The following TMEM178B variants were observed in gnomAD, a reference collection of about 807,000 sequenced individuals.
The protein encoded by TMEM178B is transmembrane protein 178B.
A neutral mutation model predicts 31.0 loss-of-function variants in TMEM178B; 5 were observed. That is an observed-to-expected ratio of 0.16 (90% CI 0.08 to 0.34). TMEM178B has a LOEUF of 0.34. Among genes scored for constraint, TMEM178B ranks in the 10% least tolerant of loss-of-function variants. TMEM178B has a pLI of 1.00. For missense variants in TMEM178B, 275 were observed against 400.3 expected (o/e 0.69, Z 2.67); for synonymous variants, 164 against 164.0 (o/e 1.00, Z 0.00).
intron 2 of TMEM178B, among the ~76,000 whole-genome samples, chr7:141,334,271 T>C (rs1799346664): frequency 6.6e-6 from 1 of 152,192 alleles, no homozygotes; most frequent in African/African-American, 2.4e-5. Flanking sequence ...AATTCATGAG[T>C]AGGTGTCCTT....
chr7:141,226,293 T>G (rs562415217), intron 2 of TMEM178B, among the ~76,000 whole-genome samples: 1 of 152,278 alleles, frequency 6.6e-6, no homozygotes, highest in African/African-American at 2.4e-5. Context: ...CAATGCTGAC[T>G]GACACCAGCC....
At chr7:141,398,184 T>C (rs1237506902) in intron 2 of TMEM178B, among the ~76,000 whole-genome samples, 2 of 152,194 alleles carry the variant, frequency 1.3e-5, no homozygotes, top group Admixed American at 6.5e-5. Flanking sequence ...AAGCAAACTT[T>C]AGGATATTTA....
chr7:141,389,626 C>T (rs913418324), intron 2 of TMEM178B, among the ~76,000 whole-genome samples: 8 of 152,170 alleles, frequency 5.3e-5, no homozygotes, highest in South Asian at 2.1e-4. Flanking sequence ...GCAGCTGTCA[C>T]GAGGCAGCAC....
intron 2 of TMEM178B, among the ~76,000 whole-genome samples, chr7:141,406,942 A>G (rs1563173707): frequency 6.7e-6 from 1 of 148,538 alleles, no homozygotes; most frequent in Non-Finnish European, 1.5e-5. Context: ...GGGAAGGGGA[A>G]AAAAGTATCT....
intron 2 of TMEM178B, among the ~76,000 whole-genome samples, chr7:141,224,249 T>C (rs1797303802): frequency 6.6e-6 from 1 of 152,210 alleles, no homozygotes; most frequent in Non-Finnish European, 1.5e-5. Flanking sequence ...CTTGGTTATG[T>C]TTCTATCAGC....
intron 2 of TMEM178B, among the ~76,000 whole-genome samples, chr7:141,288,791 T>C (rs997563599): frequency 6.6e-6 from 1 of 152,232 alleles, no homozygotes; most frequent in African/African-American, 2.4e-5. Context: ...TGTGTGCTGG[T>C]TGACTGCATT....
At chr7:141,454,646 G>C (rs1447661053) in intron 3 of TMEM178B, among the ~76,000 whole-genome samples, 2 of 138,070 alleles carry the variant, frequency 1.4e-5, no homozygotes, top group South Asian at 4.4e-4. Flanking sequence ...CCACCAATAT[G>C]AGTCAACACT....
chr7:141,215,601 C>T (rs1309588382), intron 2 of TMEM178B, among the ~76,000 whole-genome samples: 1 of 152,024 alleles, frequency 6.6e-6, no homozygotes, highest in Non-Finnish European at 1.5e-5. Flanking sequence ...GCTGGGATTA[C>T]AGGCATGAGC....
Position 141,480,348 on chromosome 7 carries a change from TTAAA to T in TMEM178B, c.*9567_*9570del, listed in dbSNP as rs765794884. On this transcript the variant is annotated 3_prime_UTR_variant, in exon 4 of 4. Transcript: ENST00000565468. ...TGTGGAATGTAAACTGATTAAACAA[TTAAA>T]TAAAGAAGATTATGTTGTGTGTTTT... The T allele has an allele frequency of 6.6e-6, 1 of 152,216 alleles. No homozygotes were observed. The highest frequency in any genetic ancestry group is 1.5e-5 in the Non-Finnish European group (1 of 68,036). The allele number at this position is 152,216 out of a possible 1,614,324, so 9.4% of individuals were successfully genotyped here. A position where few individuals can be genotyped will look rare whatever the true frequency, so the allele number is the denominator to read the frequency against.
At chr7:141,425,232 A>C (rs1469983887) in intron 2 of TMEM178B, among the ~76,000 whole-genome samples, 1 of 152,198 alleles carries the variant, frequency 6.6e-6, no homozygotes, top group Non-Finnish European at 1.5e-5. Flanking sequence ...AGGCACCTGC[A>C]ACATTTTTCT....
chr7:141,449,127 G>A (rs991863089), intron 3 of TMEM178B, among the ~76,000 whole-genome samples: 3 of 152,174 alleles, frequency 2.0e-5, no homozygotes, highest in Non-Finnish European at 2.9e-5. Flanking sequence ...CCCTCTCCGT[G>A]GCTCTTCTGG....
At chr7:141,380,357 T>C (rs1456635844) in intron 2 of TMEM178B, among the ~76,000 whole-genome samples, 1 of 152,246 alleles carries the variant, frequency 6.6e-6, no homozygotes, top group Non-Finnish European at 1.5e-5. Flanking sequence ...ATGTTTCTTA[T>C]ATTCAATTGT....
chr7:141,149,329 G>A (rs536699623), intron 1 of TMEM178B, among the ~76,000 whole-genome samples: 20 of 152,180 alleles, frequency 1.3e-4, no homozygotes, highest in Non-Finnish European at 2.5e-4. Flanking sequence ...GGCCAAGGTG[G>A]GTGGATTGCT....
At chr7:141,195,944 C>A (rs911201388) in intron 1 of TMEM178B, among the ~76,000 whole-genome samples, 2 of 152,130 alleles carry the variant, frequency 1.3e-5, no homozygotes, top group African/African-American at 4.8e-5. Context: ...AAGAATAGCA[C>A]AGGAAAGACC....
the TMEM178B span, among the ~76,000 whole-genome samples, chr7:141,500,993 G>A: frequency 2.0e-5 from 3 of 152,114 alleles, no homozygotes; most frequent in Admixed American, 6.6e-5. Flanking sequence ...AAATATATAT[G>A]TATTTTATCC....
chr7:141,308,071 T>C (rs1798844110), intron 2 of TMEM178B, among the ~76,000 whole-genome samples: 1 of 152,226 alleles, frequency 6.6e-6, no homozygotes, highest in Admixed American at 6.5e-5. Flanking sequence ...TGGTAGAGAT[T>C]TGATTTGTAT....
At chr7:141,097,642 A>ATTT (rs200273829) in intron 1 of TMEM178B, among the ~76,000 whole-genome samples, 31 of 152,032 alleles carry the variant, frequency 2.0e-4, no homozygotes, top group African/African-American at 7.0e-4. Flanking sequence ...AATCTTTAGC[A>ATTT]TTTTCATCAA....
rs547168404 is a variant in TMEM178B at position 141,343,841 on chromosome 7, G to A, written c.497-93767G>A. ...TGGGATTACAGGCGTGAGCCACCGC[G>A]CCCAGCCGGGAACTCTTTTTAAGCC... is the stretch of plus-strand genomic sequence containing the variant. On this transcript the variant is annotated intron_variant, in intron 2 of 3. Coordinates refer to ENST00000565468, the MANE Select transcript of TMEM178B (RefSeq NM_001195278.2). Among the ~76,000 whole-genome samples, 87 of 152,208 alleles carry A rather than the reference G, an allele frequency of 5.7e-4. No individual in the cohort carries two copies. The South Asian group carries it at 0.017, about 29-fold the overall frequency.
chr7:141,144,072 G>C (rs1795815417), intron 1 of TMEM178B, among the ~76,000 whole-genome samples: 1 of 152,100 alleles, frequency 6.6e-6, no homozygotes, highest in Non-Finnish European at 1.5e-5. Flanking sequence ...CATTGATTTT[G>C]TATCCTGAAA....
Sources: allele counts gnomAD v4.1 joint callset (sites outside exome capture counted in the v4.1 genomes callset), GRCh38; gene constraint gnomAD v4.1.1; transcripts MANE v1.5; gene names NCBI Gene and HGNC (gene_info 2026-07-23, HGNC 2026-07-21).